Variants in KIF14 observed in about 807,000 individuals in gnomAD.
KIF14 encodes the protein kinesin family member 14.
In KIF14, 98 loss-of-function variants were observed where a neutral mutation model predicts 176.2. The ratio of observed to expected loss-of-function variants is 0.56; its 90% CI spans 0.47 to 0.66. The LOEUF (loss-of-function observed/expected upper bound fraction) is 0.66, where lower values mean the gene tolerates loss of function less well. Among genes scored for constraint, KIF14 ranks in the 30% least tolerant of loss-of-function variants. KIF14 has a pLI of 0.00. For synonymous variants in KIF14, 566 were observed against 632.2 expected (o/e 0.90, Z 1.57); for missense variants, 1,751 against 1,920.4 (o/e 0.91, Z 1.65).
At chr1:200,567,469 C>T (rs962365963) in intron 23 of KIF14, among the ~76,000 whole-genome samples, 7 of 145,402 alleles carry the variant, frequency 4.8e-5, no homozygotes, top group East Asian at 2.1e-4. Context: ...GGCGTGAACC[C>T]GGGAGGCGCA....
rs143427161 is a variant in KIF14, at chr1:200,612,105, C to T, written c.1455+2213G>A. The stretch of plus-strand genomic sequence containing the variant: ...GCAATGTCCGCCTCCAGGGTTCAAG[C>T]GATTCTCCTACCTCAGCCTCCCGAA... On this transcript the variant is annotated intron_variant, in intron 4 of 29. Transcript: ENST00000367350. Among the ~76,000 whole-genome samples the T allele has an allele frequency of 3.2e-3, 490 of 151,920 alleles. 3 individuals are homozygous for T. Among genetic ancestry groups the T allele is most frequent in the African/African-American group, 0.011 (444 of 41,432 alleles).
Position 200,618,261 on chromosome 1 carries a change from CATT to C in KIF14, c.460_462del (p.Asn154del), listed in dbSNP as rs1189099184. Reference sequence around the variant, plus strand: ...TTTGTTCTACTTTCCTTAGAAACACCATTATTTTCTGTTTCACCTCCCACATTC... The same window carrying C: ...TTTGTTCTACTTTCCTTAGAAACACCATTTTCTGTTTCACCTCCCACATTC... On this transcript the variant is annotated inframe_deletion, in exon 2 of 30. Transcript: ENST00000367350. 1 of 1,613,722 alleles carries C rather than the reference CATT, an allele frequency of 6.2e-7. No homozygotes were observed. The highest frequency in any genetic ancestry group is 8.5e-7 in the Non-Finnish European group (1 of 1,179,976).
At chr1:200,568,302 A>G (rs1657580868) in intron 23 of KIF14, among the ~76,000 whole-genome samples, 1 of 152,222 alleles carries the variant, frequency 6.6e-6, no homozygotes, top group Non-Finnish European at 1.5e-5. Context: ...ATACCGAATA[A>G]ATAAGTTGCT....
intron 9 of KIF14, 89 bp from the exon 10 acceptor site, chr1:200,603,430 T>C (rs1659722997): frequency 1.5e-6 from 1 of 679,616 alleles, no homozygotes; most frequent in African/African-American, 1.8e-5. Context: ...CTCATATAAT[T>C]ACTGAGTAAA....
intron 29 of KIF14, 47 bp downstream of exon 29, chr1:200,554,421 C>T: frequency 3.8e-6 from 5 of 1,302,750 alleles, no homozygotes; most frequent in Middle Eastern, 2.1e-4. Flanking sequence ...TCTAAGGTTC[C>T]TTAAAATATA....
intron 7 of KIF14, among the ~76,000 whole-genome samples, 169 bp downstream of exon 7, chr1:200,605,695 T>C (rs1170771873): frequency 6.6e-6 from 1 of 152,190 alleles, no homozygotes; most frequent in Non-Finnish European, 1.5e-5. Flanking sequence ...GTCAACATTT[T>C]TAATAAAGAA....
Position 200,618,782 on chromosome 1 carries a change from C to G in KIF14, c.-59G>C. On this transcript the variant is annotated 5_prime_UTR_variant, in exon 2 of 30. The change abolishes an upstream ATG in the 5' untranslated region. Transcript: ENST00000367350. Reference sequence around the variant, plus strand: ...CTAAGACCCTAAGCTCTTCTTTGGACATTCATTTGATTTCCAGCCATTTCT... The same window carrying G: ...CTAAGACCCTAAGCTCTTCTTTGGAGATTCATTTGATTTCCAGCCATTTCT... 2 of 1,338,944 alleles carry G rather than the reference C, an allele frequency of 1.5e-6. No individual in the cohort carries two copies. Among genetic ancestry groups the G allele is most frequent in the Non-Finnish European group, 2.0e-6 (2 of 986,580 alleles). The allele number at this position is 1,338,944 out of a possible 1,614,324, so 82.9% of individuals were successfully genotyped here.
At chr1:200,613,143 C>T (rs1003989006) in intron 4 of KIF14, among the ~76,000 whole-genome samples, 14 of 152,254 alleles carry the variant, frequency 9.2e-5, no homozygotes, top group Admixed American at 5.2e-4. Context: ...CCGCTTCGGC[C>T]TCCCAAAGTA....
chr1:200,557,161 G>A (rs547301221), intron 27 of KIF14, among the ~76,000 whole-genome samples: 5 of 152,128 alleles, frequency 3.3e-5, no homozygotes, highest in South Asian at 2.1e-4. Flanking sequence ...GCACCACCAC[G>A]CTCAGCTAAT....
chr1:200,585,435 G>A (rs1224225764), intron 19 of KIF14, among the ~76,000 whole-genome samples: 6 of 151,958 alleles, frequency 3.9e-5, no homozygotes, highest in African/African-American at 7.3e-5. Context: ...AGAAAACAAC[G>A]TAATCCATGA....
intron 28 of KIF14, 53 bp from the exon 29 acceptor site, chr1:200,554,659 G>T: frequency 1.1e-6 from 1 of 891,524 alleles, no homozygotes; most frequent in Non-Finnish European, 1.7e-6. Context: ...CTCAATGGCA[G>T]TAAGGCTCAG....
At chr1:200,559,007 A>G (rs1656984636) in intron 27 of KIF14, among the ~76,000 whole-genome samples, 1 of 152,216 alleles carries the variant, frequency 6.6e-6, no homozygotes, top group Non-Finnish European at 1.5e-5. Flanking sequence ...AGAAGACTAA[A>G]CAAAGCTAAG....
chr1:200,605,772 T>C (rs574568747), intron 7 of KIF14, 92 bp downstream of exon 7: 1 of 785,828 alleles, frequency 1.3e-6, no homozygotes, highest in South Asian at 1.9e-5. Flanking sequence ...TAACCTTTTA[T>C]TTGTAAAACA....
rs1204284756 is a variant in KIF14 at position 200,553,422 on chromosome 1, T to C, written c.4913A>G (p.Glu1638Gly). The change falls in exon 30 of 30, where the codon GAG becomes GGG. Residue 1638 changes from glutamate (E) to glycine (G), a missense_variant. Physicochemically the swap from Glu to Gly is moderately conservative, Grantham distance 98 (BLOSUM62 -2). Transcript: ENST00000367350. ...LHGSSPAVSS[E>G]ECTPSRIQWV is the part of the protein sequence containing the mutation. ...CTGAATCCTACTGGGTGTGCATTCC[T>C]CTGAGCTCACTGCTGGGGATGAGCC... The C allele has an allele frequency of 6.2e-7, 1 of 1,613,656 alleles. No homozygotes were observed. Among genetic ancestry groups the C allele is most frequent in the Non-Finnish European group, 8.5e-7 (1 of 1,179,864 alleles).
Position 200,606,726 on chromosome 1 carries a change from T to C in KIF14, c.1607+20A>G, listed in dbSNP as rs367719736. ...TTCATTTGTTTTATCCTCTTTGCCC[T>C]TGCTGAGCCAAATACTTACATTGAC... On this transcript the variant is annotated intron_variant, in intron 6 of 29. Transcript: ENST00000367350. The C allele has an allele frequency of 8.1e-6, 13 of 1,605,864 alleles. No homozygotes were observed. The highest frequency in any genetic ancestry group is 9.4e-6 in the Non-Finnish European group (11 of 1,172,820).
intron 4 of KIF14, among the ~76,000 whole-genome samples, chr1:200,614,117 C>T (rs1172008648): frequency 1.3e-5 from 2 of 152,224 alleles, no homozygotes; most frequent in Non-Finnish European, 2.9e-5. Context: ...GATGACTTCA[C>T]TATCACTGCC....
At chr1:200,611,943 A>G (rs1432679900) in intron 4 of KIF14, among the ~76,000 whole-genome samples, 2 of 152,292 alleles carry the variant, frequency 1.3e-5, no homozygotes, top group Admixed American at 6.5e-5. Flanking sequence ...TCACATTTCT[A>G]CTGCAGTGAT....
intron 13 of KIF14, among the ~76,000 whole-genome samples, chr1:200,598,720 G>A (rs529066476): frequency 4.6e-5 from 7 of 152,048 alleles, no homozygotes; most frequent in East Asian, 1.9e-4. Flanking sequence ...CACCACGCCC[G>A]GCTAATTTTT....
At chr1:200,593,233 GA>G (rs571873127) in intron 15 of KIF14, among the ~76,000 whole-genome samples, 1 of 152,308 alleles carries the variant, frequency 6.6e-6, no homozygotes, top group South Asian at 2.1e-4. Flanking sequence ...AGGATATATA[GA>G]GTCACAATAG....
Sources: gnomAD v4.1 joint callset for allele counts (sites outside exome capture counted in the v4.1 genomes callset) on GRCh38, gnomAD v4.1.1 for gene constraint, MANE v1.5 for transcripts, NCBI Gene and HGNC (gene_info 2026-07-23, HGNC 2026-07-21) for gene names.